The following DENND1A variants were observed in gnomAD, a reference collection of about 807,000 sequenced individuals.
DENND1A encodes the protein DENN domain containing 1A.
Under a neutral mutation model 113.7 loss-of-function variants are expected in DENND1A, and 51 were observed. That is an observed-to-expected ratio of 0.45 (90% CI 0.36 to 0.57). The LOEUF (loss-of-function observed/expected upper bound fraction) is 0.57, where lower values mean the gene tolerates loss of function less well. Among genes scored for constraint, DENND1A ranks in the 20% least tolerant of loss-of-function variants. The pLI, the probability that DENND1A is intolerant of heterozygous loss-of-function variation, is 0.00. For synonymous variants in DENND1A, 565 were observed against 570.8 expected (o/e 0.99, Z 0.14); for missense variants, 1,258 against 1,395.9 (o/e 0.90, Z 1.57).
At chr9:123,704,629 A>C (rs967735278) in intron 5 of DENND1A, among the ~76,000 whole-genome samples, 4 of 152,320 alleles carry the variant, frequency 2.6e-5, no homozygotes, top group Admixed American at 1.3e-4. Context: ...CACTCCCCCA[A>C]TTCCTACAAA....
At chr9:123,737,340 T>C (rs1164660260) in intron 5 of DENND1A, among the ~76,000 whole-genome samples, 1 of 152,046 alleles carries the variant, frequency 6.6e-6, no homozygotes, top group Non-Finnish European at 1.5e-5. Flanking sequence ...GAACTACAGG[T>C]GTGCACTACC....
intron 6 of DENND1A, among the ~76,000 whole-genome samples, chr9:123,675,973 T>C (rs1016827527): frequency 6.6e-6 from 1 of 152,182 alleles, no homozygotes; most frequent in Admixed American, 6.5e-5. Context: ...CCCAAACAAT[T>C]AACAATTTCC....
chr9:123,930,038 T>C lies in DENND1A; in HGVS notation c.-133A>G, dbSNP rs1857765326. 9.5e-6 allele frequency: 2 copies of C among 211,020 alleles called. No individual in the cohort carries two copies. The highest frequency in any genetic ancestry group is 9.2e-6 in the Non-Finnish European group (1 of 108,870). The allele number at this position is 211,020 out of a possible 1,614,324, so 13.1% of individuals were successfully genotyped here. The stretch of plus-strand genomic sequence containing the variant: ...TTCCCTCAGGCTGGGGCCCGCCCGC[T>C]CGAGGCTCGCTCCCTCGCCGCCGCC... On this transcript the variant is annotated 5_prime_UTR_variant, in exon 1 of 24. Transcript: ENST00000394215.
At chr9:123,877,215 G>A (rs940155701) in intron 2 of DENND1A, among the ~76,000 whole-genome samples, 7 of 152,190 alleles carry the variant, frequency 4.6e-5, no homozygotes, top group Admixed American at 1.3e-4. Context: ...GGCCAGGCGC[G>A]GTGGCTCACG....
At chr9:123,596,726 T>C (rs2137227628) in intron 11 of DENND1A, among the ~76,000 whole-genome samples, 1 of 152,336 alleles carries the variant, frequency 6.6e-6, no homozygotes, top group East Asian at 1.9e-4. Context: ...TGAAACACAG[T>C]GGCAAGCAAG....
intron 9 of DENND1A, among the ~76,000 whole-genome samples, chr9:123,643,857 C>T (rs1012978302): frequency 1.3e-5 from 2 of 152,114 alleles, no homozygotes; most frequent in South Asian, 2.1e-4. Flanking sequence ...CAGGGCTTGC[C>T]GAATCTGAAG....
chr9:123,837,680 T>A (rs1483381507), intron 2 of DENND1A, among the ~76,000 whole-genome samples: 1 of 152,078 alleles, frequency 6.6e-6, no homozygotes, highest in Non-Finnish European at 1.5e-5. Flanking sequence ...ATCATGGCAA[T>A]CTCAACCTAA....
At chr9:123,725,465 C>T (rs1194382416) in intron 5 of DENND1A, among the ~76,000 whole-genome samples, 1 of 152,202 alleles carries the variant, frequency 6.6e-6, no homozygotes, top group African/African-American at 2.4e-5. Flanking sequence ...ATAATTCAAA[C>T]CCTGTTTTGT....
At chr9:123,446,198 G>A (rs890345373) in intron 18 of DENND1A, among the ~76,000 whole-genome samples, 4 of 152,150 alleles carry the variant, frequency 2.6e-5, no homozygotes, top group Admixed American at 1.3e-4. Context: ...GAGAACTCCC[G>A]TCTCCATTTA....
chr9:123,884,871 T>C (rs1187764308), intron 1 of DENND1A, among the ~76,000 whole-genome samples: 1 of 152,158 alleles, frequency 6.6e-6, no homozygotes, highest in Non-Finnish European at 1.5e-5. Context: ...CATTATTCAA[T>C]TGCTTTTTTG....
At chr9:123,872,378 A>G (rs1389343486) in intron 2 of DENND1A, among the ~76,000 whole-genome samples, 3 of 152,240 alleles carry the variant, frequency 2.0e-5, no homozygotes, top group Admixed American at 6.5e-5. Flanking sequence ...ACATGATGTA[A>G]TAATTCATAG....
chr9:123,912,911 C>T (rs994704311), intron 1 of DENND1A, among the ~76,000 whole-genome samples: 11 of 152,060 alleles, frequency 7.2e-5, no homozygotes, highest in Non-Finnish European at 1.5e-4. Flanking sequence ...GGCATTACCC[C>T]ACCCAGCCAT....
intron 9 of DENND1A, among the ~76,000 whole-genome samples, chr9:123,647,690 C>T (rs1166248185): frequency 6.6e-6 from 1 of 152,168 alleles, no homozygotes; most frequent in Non-Finnish European, 1.5e-5. Flanking sequence ...CAACCCAGTT[C>T]CTCACTCAGC....
At chr9:123,492,204 G>A (rs1564591703) in intron 13 of DENND1A, 1 of 152,476 alleles carries the variant, frequency 6.6e-6, no homozygotes, top group Non-Finnish European at 1.5e-5. Context: ...GGGAGAGACA[G>A]ACAGGCACAT....
intron 13 of DENND1A, among the ~76,000 whole-genome samples, chr9:123,537,117 A>C (rs968315604): frequency 3.3e-5 from 5 of 152,212 alleles, no homozygotes; most frequent in Non-Finnish European, 2.9e-5. Context: ...AGCTAAAGAC[A>C]CTAAGAAAAT....
intron 13 of DENND1A, among the ~76,000 whole-genome samples, chr9:123,515,626 T>C (rs2053832514): frequency 1.3e-5 from 2 of 152,204 alleles, no homozygotes; most frequent in Non-Finnish European, 2.9e-5. Flanking sequence ...TTTTTTTAAA[T>C]GAAAAGTTGA....
chr9:123,489,485 T>G (rs1053368384), intron 13 of DENND1A, among the ~76,000 whole-genome samples: 1 of 152,234 alleles, frequency 6.6e-6, no homozygotes, highest in African/African-American at 2.4e-5. Context: ...CCCCAACTTT[T>G]TCTCTATTAA....
chr9:123,806,113 C>A (rs766818013), intron 2 of DENND1A, among the ~76,000 whole-genome samples: 1 of 151,850 alleles, frequency 6.6e-6, no homozygotes, highest in East Asian at 1.9e-4. Context: ...GCCACCATGC[C>A]TGGCTAATTT....
intron 1 of DENND1A, among the ~76,000 whole-genome samples, chr9:123,882,936 A>G (rs888313553): frequency 1.3e-5 from 2 of 152,234 alleles, no homozygotes; most frequent in African/African-American, 4.8e-5. Flanking sequence ...CAATGCCTAC[A>G]AAGTCCTACA....
Sources: gnomAD v4.1 joint callset for allele counts (sites outside exome capture counted in the v4.1 genomes callset) on GRCh38, gnomAD v4.1.1 for gene constraint, MANE v1.5 for transcripts, NCBI Gene and HGNC (gene_info 2026-07-23, HGNC 2026-07-21) for gene names.